Variants in KIAA1671 observed in about 807,000 individuals in gnomAD.
The protein encoded by KIAA1671 is KIAA1671.
A neutral mutation model predicts 131.2 loss-of-function variants in KIAA1671; 52 were observed. That is an observed-to-expected ratio of 0.40 (90% CI 0.32 to 0.50). The LOEUF is 0.50. Ranked by LOEUF, KIAA1671 falls within the 20% of genes least tolerant of loss-of-function variation. The pLI is 0.73. For synonymous variants in KIAA1671, 1,003 were observed against 961.6 expected (o/e 1.04, Z -0.80); for missense variants, 2,360 against 2,364.2 (o/e 1.00, Z 0.04).
rs569620016 is a variant in KIAA1671 at position 25,184,773 on chromosome 22, C to T, written c.5200-204C>T. On this transcript the variant is annotated intron_variant, in intron 10 of 12. Coordinates refer to ENST00000358431, the MANE Select transcript of KIAA1671 (RefSeq NM_001145206.2). ...ATTATGTGGGGTTTGGGTGGTGATT[C>T]GATCTTGGGGGTCGAGGGTGGCTGC... 1.2e-3 allele frequency among the ~76,000 whole-genome samples: 183 copies of T among 152,042 alleles called. 3 individuals are homozygous for T. In the South Asian group the frequency reaches 0.032, roughly 26 times the overall value.
chr22:25,018,868 G>A (rs1429819099), intron 1 of KIAA1671, among the ~76,000 whole-genome samples: 3 of 152,066 alleles, frequency 2.0e-5, no homozygotes, highest in Non-Finnish European at 2.9e-5. Flanking sequence ...TCAAACATTG[G>A]TGTACAAATA....
chr22:24,960,008 C>T (rs1461721370), intron 1 of KIAA1671, among the ~76,000 whole-genome samples: 1 of 151,686 alleles, frequency 6.6e-6, no homozygotes, highest in Non-Finnish European at 1.5e-5. Context: ...TGTGGTGGCG[C>T]CTGTGGTCCC....
chr22:25,185,671 G>T (rs5760898), intron 11 of KIAA1671: 1 of 152,324 alleles, frequency 6.6e-6, no homozygotes, highest in Admixed American at 6.5e-5. Flanking sequence ...AGCAGCTGGA[G>T]GTGGAGGTTA....
chr22:25,151,429 CTTTTT>C (rs67444002), intron 6 of KIAA1671, among the ~76,000 whole-genome samples: 144 of 104,758 alleles, frequency 1.4e-3, no homozygotes, highest in Non-Finnish European at 2.0e-3. Context: ...AACATGAACT[CTTTTT>C]TTTTTTTTTT....
At chr22:25,169,411 C>T (rs1441675527) in intron 6 of KIAA1671, among the ~76,000 whole-genome samples, 1 of 99,804 alleles carries the variant, frequency 1.0e-5, no homozygotes, top group African/African-American at 4.9e-5. Context: ...AGAGTAAGAC[C>T]TTGTCTCAAA....
chr22:25,040,257 G>A lies in KIAA1671; in HGVS notation c.3127G>A (p.Val1043Met). Residue 1043 changes from valine (V) to methionine (M), a missense_variant, in exon 5 of 13, where the codon GTG becomes ATG. Val to Met is a conservative substitution (Grantham distance 21). Around this residue, in one of 3 missense-constraint regions of KIAA1671, gnomAD observed 1,161 missense variants for 1,204.7 expected, o/e 0.96. Transcript: ENST00000358431. ...TCCCAATACTCAAAAGGCAAAGGGTGTGGTTCTGTCAGGAGCTGAAAGCTT... is the reference window on the plus strand; with the variant it reads ...TCCCAATACTCAAAAGGCAAAGGGTATGGTTCTGTCAGGAGCTGAAAGCTT... ...QIPNTQKAKG[V>M]VLSGAESLLE... is the part of the protein sequence containing the mutation. The A allele has an allele frequency of 3.9e-6, 6 of 1,551,746 alleles. No individual in the cohort carries two copies. The highest frequency in any genetic ancestry group is 5.2e-6 in the Non-Finnish European group (6 of 1,147,014).
At chr22:25,157,016 G>A (rs1411488074) in intron 6 of KIAA1671, among the ~76,000 whole-genome samples, 3 of 152,176 alleles carry the variant, frequency 2.0e-5, no homozygotes, top group Non-Finnish European at 2.9e-5. Flanking sequence ...TTTGACATGT[G>A]ATGTTTCAAA....
chr22:24,953,797 C>G (rs1334624145), intron 1 of KIAA1671, among the ~76,000 whole-genome samples: 1 of 152,216 alleles, frequency 6.6e-6, no homozygotes, highest in African/African-American at 2.4e-5. Context: ...CTAGGGCTTC[C>G]TGCCTGCCGG....
At chr22:24,982,246 A>C (rs1923271566) in intron 1 of KIAA1671, among the ~76,000 whole-genome samples, 1 of 152,262 alleles carries the variant, frequency 6.6e-6, no homozygotes, top group Non-Finnish European at 1.5e-5. Context: ...ATTACTTAAG[A>C]AATACAGGCA....
At chr22:25,109,637 T>C (rs1188615517) in intron 6 of KIAA1671, among the ~76,000 whole-genome samples, 1 of 152,180 alleles carries the variant, frequency 6.6e-6, no homozygotes, top group Non-Finnish European at 1.5e-5. Context: ...AATGGGTTCA[T>C]GCAAAAAAAT....
intron 1 of KIAA1671, among the ~76,000 whole-genome samples, chr22:24,965,165 A>T (rs767762197): frequency 2.6e-5 from 4 of 151,886 alleles, no homozygotes; most frequent in Middle Eastern, 3.4e-3. Context: ...AATGTGTGTG[A>T]GCACATTGCA....
chr22:24,981,074 G>A (rs1923209027), intron 1 of KIAA1671, among the ~76,000 whole-genome samples: 3 of 151,610 alleles, frequency 2.0e-5, no homozygotes, highest in Admixed American at 2.0e-4. Flanking sequence ...GTGTGTGTGT[G>A]TGTGTGTGTG....
intron 1 of KIAA1671, among the ~76,000 whole-genome samples, chr22:25,001,265 A>G (rs1924467678): frequency 6.6e-6 from 1 of 151,926 alleles, no homozygotes; most frequent in Middle Eastern, 3.4e-3. Context: ...GTGTGTGTAT[A>G]TATATGCATG....
At chr22:25,104,620 TA>T (rs1930894875) in intron 6 of KIAA1671, among the ~76,000 whole-genome samples, 1 of 152,226 alleles carries the variant, frequency 6.6e-6, no homozygotes, top group African/African-American at 2.4e-5. Context: ...AAGTCTTTAA[TA>T]AGTGATCATT....
intron 1 of KIAA1671, among the ~76,000 whole-genome samples, chr22:24,987,386 T>C (rs1017089907): frequency 1.9e-4 from 29 of 152,174 alleles, no homozygotes; most frequent in African/African-American, 6.0e-4. Flanking sequence ...TTAGCCAGGA[T>C]GTTCTCGATC....
At chr22:25,036,676 C>T (rs978376733) in intron 4 of KIAA1671, among the ~76,000 whole-genome samples, 6 of 151,898 alleles carry the variant, frequency 4.0e-5, no homozygotes, top group Non-Finnish European at 7.4e-5. Context: ...CCCAGCACTT[C>T]GGGAAGCCAA....
intron 6 of KIAA1671, among the ~76,000 whole-genome samples, chr22:25,154,655 C>T (rs755548199): frequency 3.3e-5 from 5 of 152,168 alleles, no homozygotes; most frequent in African/African-American, 4.8e-5. Flanking sequence ...AATGTCAGCC[C>T]GACTGGTTTT....
chr22:25,044,453 A>AGGG (rs1376040965), intron 5 of KIAA1671, among the ~76,000 whole-genome samples: 1 of 151,872 alleles, frequency 6.6e-6, no homozygotes, highest in Non-Finnish European at 1.5e-5. Flanking sequence ...GATGTTGTGG[A>AGGG]GGGGGGATCC....
At chr22:25,187,478 T>C (rs1934518046) in intron 11 of KIAA1671, among the ~76,000 whole-genome samples, 1 of 152,164 alleles carries the variant, frequency 6.6e-6, no homozygotes, top group Non-Finnish European at 1.5e-5. Flanking sequence ...AACGTGATTT[T>C]TTTTTTCTTG....
Sources: allele counts gnomAD v4.1 joint callset (sites outside exome capture counted in the v4.1 genomes callset), GRCh38; gene constraint gnomAD v4.1.1; regional missense constraint gnomAD v4.1.1; transcripts MANE v1.5; gene names NCBI Gene and HGNC (gene_info 2026-07-23, HGNC 2026-07-21).